The following ZIM2 variants were observed in gnomAD, a reference collection of about 807,000 sequenced individuals.
ZIM2 encodes zinc finger imprinted 2.
ZIM2 carries 14 observed loss-of-function variants against 38.6 expected under a neutral mutation model. The ratio of observed to expected loss-of-function variants is 0.36; its 90% CI spans 0.24 to 0.57. The LOEUF is 0.57. Ranked by LOEUF, ZIM2 falls within the 20% of genes least tolerant of loss-of-function variation. The probability of loss-of-function intolerance (pLI) is 0.81; values close to 1 mark genes in which losing one functional copy is unlikely to be tolerated. For synonymous variants in ZIM2, 247 were observed against 245.8 expected, an observed-to-expected ratio of 1.00 and a Z score of -0.04; for missense variants, 680 against 695.1, an observed-to-expected ratio of 0.98 and a Z score of 0.24.
intron 3 of ZIM2, 70 bp from the exon 4 acceptor site, chr19:56,824,497 G>T: frequency 6.2e-7 from 1 of 1,614,086 alleles, no homozygotes; most frequent in Non-Finnish European, 8.5e-7. Context: ...ATTCCACATA[G>T]ATTAGGTTCC....
At position 56,814,568 on chromosome 19, in the gene ZIM2, C is replaced by T. The variant is rs371089462; in HGVS notation, c.490+3178G>A. ...TGATCTGCAAGTTCTGCTGGGTTGACGAAAGATTCTCCACAGACTGCACAT... is the reference window on the plus strand; with the variant it reads ...TGATCTGCAAGTTCTGCTGGGTTGATGAAAGATTCTCCACAGACTGCACAT... On this transcript the variant is annotated intron_variant, in intron 9 of 12. Transcript: ENST00000629319. The surrounding 1 kb of genome is among the most constrained non-coding windows in gnomAD (Gnocchi z 5.8). 69 of 1,613,620 alleles carry T rather than the reference C, an allele frequency of 4.3e-5. No individual in the cohort carries two copies. The Middle Eastern group carries it at 4.9e-4, about 12-fold the overall frequency.
intron 10 of ZIM2, 82 bp downstream of exon 10, chr19:56,789,790 T>C: frequency 8.1e-7 from 1 of 1,238,462 alleles, no homozygotes; most frequent in Non-Finnish European, 1.1e-6. Flanking sequence ...GAGTATGTGG[T>C]TTAATTAAAT....
chr19:56,799,020 TAA>T (rs1439737017), intron 9 of ZIM2: 1 of 152,170 alleles, frequency 6.6e-6, no homozygotes, highest in Non-Finnish European at 1.5e-5. Flanking sequence ...GGTTGGAGTA[TAA>T]ATTAGTTCTA....
chr19:56,825,166 G>A (rs536785765), intron 3 of ZIM2, among the ~76,000 whole-genome samples: 10 of 152,308 alleles, frequency 6.6e-5, no homozygotes, highest in South Asian at 4.1e-4. Context: ...ACGTCAGCAC[G>A]TTTATTAGCA....
Position 56,779,400 on chromosome 19 carries a change from C to T in ZIM2, c.812G>A (p.Ser271Asn). 1 of 1,613,896 alleles carries T rather than the reference C, an allele frequency of 6.2e-7. No homozygotes were observed. The highest frequency in any genetic ancestry group is 8.5e-7 in the Non-Finnish European group (1 of 1,179,874). ...ACCTTGACAAATCACTGTATGTCTG[C>T]TGTCTGTCTCCATTGCATATGATTC... ...EEESYAMETD[S>N]RHTVICQGES... Residue 271 changes from serine to asparagine, a missense_variant, in exon 12 of 13, where the codon AGC becomes AAC. By Grantham distance (46) the Ser-to-Asn change is conservative (BLOSUM62 1). Coordinates refer to ENST00000629319, the MANE Select transcript of ZIM2 (RefSeq NM_001387356.1).
chr19:56,813,505 A>C, intron 9 of ZIM2: 1 of 1,428,108 alleles, frequency 7.0e-7, no homozygotes. Context: ...AAGACTGTGG[A>C]ATCTGCACAT....
At chr19:56,792,271 T>C (rs1458994823) in intron 9 of ZIM2, among the ~76,000 whole-genome samples, 1 of 151,994 alleles carries the variant, frequency 6.6e-6, no homozygotes, top group Non-Finnish European at 1.5e-5. Flanking sequence ...CTCTTGTCTA[T>C]AATTCCAGCA....
chr19:56,832,557 T>C (rs2061677184), intron 2 of ZIM2, among the ~76,000 whole-genome samples: 1 of 152,122 alleles, frequency 6.6e-6, no homozygotes, highest in African/African-American at 2.4e-5. Context: ...CTCCCTCTGC[T>C]CTCTCTTCAG....
intron 1 of ZIM2, among the ~76,000 whole-genome samples, chr19:56,840,236 C>T (rs546442236): frequency 3.2e-4 from 48 of 152,336 alleles, no homozygotes; most frequent in East Asian, 7.7e-4. Flanking sequence ...CTAATGCCCC[C>T]GGTTTGCTGC....
At position 56,789,895 on chromosome 19, in the gene ZIM2, T is replaced by C; in HGVS notation, c.547A>G (p.Asn183Asp). The part of the protein sequence containing the change: ...AEKRNTEMLD[N>D]LPSAGSQFPD... ...ACCTGGGACCCAGCAGATGGCAGATTGTCTAACATCTCTGTGTTCCTCTTT... is the reference window on the plus strand; with the variant it reads ...ACCTGGGACCCAGCAGATGGCAGATCGTCTAACATCTCTGTGTTCCTCTTT... Residue 183 changes from asparagine (N) to aspartate (D), a missense_variant, in exon 10 of 13, where the codon AAT (asparagine) becomes GAT (aspartate). Transcript: ENST00000629319. 1.9e-6 allele frequency: 3 copies of C among 1,578,336 alleles called. No individual in the cohort carries two copies. Among genetic ancestry groups the C allele is most frequent in the Non-Finnish European group, 2.6e-6 (3 of 1,155,400 alleles).
At chr19:56,803,640 GATT>G (rs1170308859) in intron 9 of ZIM2, among the ~76,000 whole-genome samples, 1 of 152,206 alleles carries the variant, frequency 6.6e-6, no homozygotes, top group East Asian at 1.9e-4. Flanking sequence ...ATCATTTTAA[GATT>G]ATTGGAAGCT....
intron 9 of ZIM2, among the ~76,000 whole-genome samples, chr19:56,807,938 T>A (rs1031396301): frequency 5.3e-5 from 8 of 152,194 alleles, no homozygotes; most frequent in Non-Finnish European, 1.0e-4. Flanking sequence ...AGTAAAGAGT[T>A]ATCAGTCCTT....
intron 1 of ZIM2, among the ~76,000 whole-genome samples, chr19:56,839,427 G>A (rs191160654): frequency 2.4e-4 from 36 of 151,028 alleles, no homozygotes; most frequent in African/African-American, 8.8e-4. Flanking sequence ...AGCGGGCAGG[G>A]CCTGAACAGA....
chr19:56,817,254 A>G (rs1337726509), intron 9 of ZIM2: 18 of 1,614,050 alleles, frequency 1.1e-5, no homozygotes, highest in Non-Finnish European at 1.4e-5. Context: ...CATCTGTGTC[A>G]AAATGATAGC....
rs1479704927 is a variant in ZIM2 at position 56,789,893 on chromosome 19, A to G, written c.549T>C (p.Asn183=). The G allele has an allele frequency of 6.3e-7, 1 of 1,578,234 alleles. No homozygotes were observed. The highest frequency in any genetic ancestry group is 8.7e-7 in the Non-Finnish European group (1 of 1,155,400). ...AEKRNTEMLD[N]LPSAGSQFPD... ...TCACCTGGGACCCAGCAGATGGCAG[A>G]TTGTCTAACATCTCTGTGTTCCTCT... The change falls in exon 10 of 13, where the codon AAT becomes AAC. Residue 183 remains asparagine, a synonymous_variant. Coordinates refer to ENST00000629319, the MANE Select transcript of ZIM2 (RefSeq NM_001387356.1).
chr19:56,821,543 C>T, intron 7 of ZIM2, 108 bp downstream of exon 7: 1 of 1,385,108 alleles, frequency 7.2e-7, no homozygotes, highest in South Asian at 1.3e-5. Flanking sequence ...GGACTCTCAC[C>T]CCAGCTGGAC....
In ZIM2 at chr19:56,776,921, T is replaced by C. The variant is rs182046126; in HGVS notation, c.836-1392A>G. On this transcript the variant is annotated intron_variant, in intron 12 of 12. Coordinates refer to ENST00000629319, the MANE Select transcript of ZIM2 (RefSeq NM_001387356.1). The stretch of plus-strand genomic sequence containing the variant: ...GGGAGCTAGAAACACAGGATCTTAG[T>C]TGCAAGATCTGTAGATGAGGCTGGG... 3.9e-3 allele frequency among the ~76,000 whole-genome samples: 590 copies of C among 152,268 alleles called. 3 individuals are homozygous for C. Among genetic ancestry groups the C allele is most frequent in the African/African-American group, 0.013 (543 of 41,546 alleles).
chr19:56,778,396 A>G (rs1247772855), intron 12 of ZIM2, among the ~76,000 whole-genome samples: 5 of 152,214 alleles, frequency 3.3e-5, no homozygotes, highest in Non-Finnish European at 7.3e-5. Context: ...TCACACAGAC[A>G]AACGTGGAGG....
intron 9 of ZIM2, among the ~76,000 whole-genome samples, chr19:56,803,652 C>A (rs1159501757): frequency 6.6e-6 from 1 of 152,212 alleles, no homozygotes; most frequent in Non-Finnish European, 1.5e-5. Flanking sequence ...TTATTGGAAG[C>A]TGGAAGAAAA....
Sources: gnomAD v4.1 joint callset for allele counts (sites outside exome capture counted in the v4.1 genomes callset) on GRCh38, gnomAD v4.1.1 for gene constraint, Gnocchi (gnomAD v3.1) non-coding constraint, MANE v1.5 for transcripts, NCBI Gene and HGNC (gene_info 2026-07-23, HGNC 2026-07-21) for gene names.